Variants in PTPRS observed in about 807,000 individuals in gnomAD.
PTPRS encodes the protein receptor-type tyrosine-protein phosphatase S.
Under a neutral mutation model 215.3 loss-of-function variants are expected in PTPRS, and 63 were observed. The observed-to-expected ratio is 0.29, with a 90% CI of 0.24 to 0.36. The LOEUF (loss-of-function observed/expected upper bound fraction) is 0.36. Ranked by LOEUF, PTPRS falls within the 10% of genes least tolerant of loss-of-function variation. The probability of loss-of-function intolerance (pLI) is 1.00; values close to 1 mark genes in which losing one functional copy is unlikely to be tolerated. For synonymous variants in PTPRS, 1,404 were observed against 1,191.4 expected (o/e 1.18, Z -3.68); for missense variants, 2,258 against 2,825.8 (o/e 0.80, Z 4.56).
intron 1 of PTPRS, among the ~76,000 whole-genome samples, chr19:5,340,056 G>A (rs1161050239): frequency 6.6e-6 from 1 of 151,788 alleles, no homozygotes. Flanking sequence ...CAGGGGAGAC[G>A]GCGTAGACTA....
intron 1 of PTPRS, among the ~76,000 whole-genome samples, chr19:5,310,200 A>G (rs1023011111): frequency 3.4e-4 from 52 of 152,216 alleles, no homozygotes; most frequent in African/African-American, 1.3e-3. Flanking sequence ...AGCAAACATC[A>G]TTCTCTTATT....
chr19:5,256,712 C>T (rs1310147883), intron 8 of PTPRS, among the ~76,000 whole-genome samples: 1 of 152,092 alleles, frequency 6.6e-6, no homozygotes, highest in African/African-American at 2.4e-5. Flanking sequence ...TCAGACGTGC[C>T]CCTACCCACC....
At chr19:5,240,401 G>C in intron 11 of PTPRS, 69 bp from the exon 12 acceptor site, 1 of 1,427,974 alleles carries the variant, frequency 7.0e-7, no homozygotes, top group South Asian at 1.5e-5. Context: ...CCCACCTGCT[G>C]AGTGTCCCCA....
intron 1 of PTPRS, among the ~76,000 whole-genome samples, chr19:5,310,519 T>C (rs905466287): frequency 1.8e-4 from 27 of 152,144 alleles, no homozygotes; most frequent in African/African-American, 6.3e-4. Context: ...GGTTTCACCA[T>C]GTTGGCCAGG....
chr19:5,209,547 T>G (rs1406807596), intron 35 of PTPRS, among the ~76,000 whole-genome samples: 1 of 152,214 alleles, frequency 6.6e-6, no homozygotes, highest in Non-Finnish European at 1.5e-5. Flanking sequence ...TCCTCAATCT[T>G]GTACCACCCA....
intron 23 of PTPRS, 96 bp from the exon 24 acceptor site, chr19:5,218,894 C>G (rs374477452): frequency 7.9e-7 from 1 of 1,258,242 alleles, no homozygotes; most frequent in South Asian, 1.4e-5. Context: ...ACTCTCAGTG[C>G]CTTCCTTAAC....
intron 1 of PTPRS, among the ~76,000 whole-genome samples, chr19:5,333,886 C>A (rs1446510330): frequency 1.3e-5 from 2 of 152,204 alleles, no homozygotes; most frequent in African/African-American, 4.8e-5. Context: ...TGCATGCATG[C>A]TCGCTCGCAC....
At chr19:5,270,881 G>C (rs2046850303) in intron 4 of PTPRS, among the ~76,000 whole-genome samples, 1 of 152,310 alleles carries the variant, frequency 6.6e-6, no homozygotes, top group Middle Eastern at 3.4e-3. Flanking sequence ...CTGACCTCAA[G>C]TTGTCCACTT....
chr19:5,278,908 G>A (rs1487856692), intron 2 of PTPRS, among the ~76,000 whole-genome samples: 1 of 151,934 alleles, frequency 6.6e-6, no homozygotes. Context: ...ATGAAAAAAG[G>A]GGTTGGGCAT....
intron 2 of PTPRS, among the ~76,000 whole-genome samples, chr19:5,283,952 C>T (rs556271841): frequency 5.9e-5 from 9 of 152,136 alleles, no homozygotes; most frequent in East Asian, 5.8e-4. Flanking sequence ...CTGGGACTCA[C>T]GCCTGTAATC....
At chr19:5,265,500 C>T (rs1035564039) in intron 4 of PTPRS, among the ~76,000 whole-genome samples, 1 of 152,132 alleles carries the variant, frequency 6.6e-6, no homozygotes, top group African/African-American at 2.4e-5. Flanking sequence ...CGCCACCACG[C>T]CTGGCTAATT....
intron 1 of PTPRS, among the ~76,000 whole-genome samples, chr19:5,291,586 C>CT (rs2048822415): frequency 6.6e-6 from 1 of 152,104 alleles, no homozygotes; most frequent in African/African-American, 2.4e-5. Context: ...CATCCATCGT[C>CT]TTCCCTACCC....
chr19:5,321,877 G>A (rs1042835988), intron 1 of PTPRS, among the ~76,000 whole-genome samples: 2 of 151,888 alleles, frequency 1.3e-5, no homozygotes, highest in African/African-American at 4.8e-5. Flanking sequence ...ATTTATCCAA[G>A]CCCCAAAACT....
Position 5,216,937 on chromosome 19 carries a change from C to G in PTPRS, c.4049-170G>C, listed in dbSNP as rs2041531196. Among the ~76,000 whole-genome samples, 7 of 152,324 alleles carry G rather than the reference C, an allele frequency of 4.6e-5. No individual in the cohort carries two copies. The South Asian group carries it at 1.5e-3, about 32-fold the overall frequency. ...CCCACCTGAGGACTCACGATAGCTG[C>G]TAACTGTGTACCCCTCTGGCTGGAC... On this transcript the variant is annotated intron_variant, in intron 25 of 37. Transcript: ENST00000262963.
chr19:5,210,373 C>A lies in PTPRS; in HGVS notation c.5487+96G>T. 6.5e-7 allele frequency: 1 copy of A among 1,547,980 alleles called. No individual in the cohort carries two copies. Among genetic ancestry groups the A allele is most frequent in the Non-Finnish European group, 8.8e-7 (1 of 1,132,666 alleles). ...CTTCTCCTGATTCCCAATGCTTATG[C>A]CTAACCCTTGGCCTTTGTATCCATC... On this transcript the variant is annotated intron_variant, in intron 35 of 37. Coordinates refer to ENST00000262963, the MANE Select transcript of PTPRS (RefSeq NM_002850.4). This position sits in a 1 kb window ranked among gnomAD's most constrained non-coding sequence, Gnocchi z 4.5.
chr19:5,312,136 A>G (rs566775620), intron 1 of PTPRS, among the ~76,000 whole-genome samples: 307 of 152,130 alleles, frequency 2.0e-3, no homozygotes, highest in Non-Finnish European at 3.3e-3. Context: ...CACATCTCAT[A>G]GGAAAGCAAA....
chr19:5,265,240 T>C (rs1349629805), intron 4 of PTPRS, 44 bp from the exon 5 acceptor site: 2 of 1,555,422 alleles, frequency 1.3e-6, no homozygotes, highest in East Asian at 4.5e-5. Flanking sequence ...TTCTGAGCAC[T>C]GCACAGCCAC....
At chr19:5,325,497 A>G (rs531081625) in intron 1 of PTPRS, among the ~76,000 whole-genome samples, 2 of 126,710 alleles carry the variant, frequency 1.6e-5, no homozygotes, top group South Asian at 4.8e-4. Flanking sequence ...TGGAAAGAGA[A>G]GAGAGACGTC....
intron 30 of PTPRS, among the ~76,000 whole-genome samples, chr19:5,213,695 C>T (rs1199503013): frequency 6.6e-6 from 1 of 152,144 alleles, no homozygotes; most frequent in Non-Finnish European, 1.5e-5. Context: ...AGAATTCTCA[C>T]TCTTGTCCAT....
Sources: allele counts gnomAD v4.1 joint callset (sites outside exome capture counted in the v4.1 genomes callset), GRCh38; gene constraint gnomAD v4.1.1; non-coding constraint Gnocchi (gnomAD v3.1); transcripts MANE v1.5; gene names NCBI Gene and HGNC (gene_info 2026-07-23, HGNC 2026-07-21).